The following GPR155 variants were observed in gnomAD, a reference collection of about 807,000 sequenced individuals.
GPR155 encodes the protein lysosomal cholesterol signaling protein.
Under a neutral mutation model 93.1 loss-of-function variants are expected in GPR155, and 65 were observed. The observed-to-expected ratio is 0.70, with a 90% confidence interval of 0.57 to 0.86. GPR155 has a LOEUF of 0.86. Among genes scored for constraint, GPR155 ranks in the 40% least tolerant of loss-of-function variants. The probability of loss-of-function intolerance (pLI) is 0.00; values close to 1 mark genes in which losing one functional copy is unlikely to be tolerated. For missense variants in GPR155, 838 were observed against 1,034.8 expected, an observed-to-expected ratio of 0.81 and a Z score of 2.61; for synonymous variants, 319 against 360.1, an observed-to-expected ratio of 0.89 and a Z score of 1.29.
At chr2:174,457,747 AC>A (rs1323626508) in intron 10 of GPR155, among the ~76,000 whole-genome samples, 1 of 151,930 alleles carries the variant, frequency 6.6e-6, no homozygotes. Flanking sequence ...GAGCCACCGC[AC>A]CAGGCCTTGA....
intron 7 of GPR155, among the ~76,000 whole-genome samples, chr2:174,463,121 T>C (rs1351670396): frequency 1.5e-5 from 1 of 68,274 alleles, no homozygotes; most frequent in Admixed American, 2.7e-4. Context: ...CTTTTTTTTT[T>C]CTTTCTTTTT....
At chr2:174,461,341 G>C (rs1395235660) in intron 9 of GPR155, 61 bp downstream of exon 9, 2 of 948,112 alleles carry the variant, frequency 2.1e-6, no homozygotes, top group African/African-American at 3.3e-5. Flanking sequence ...GTCTAGCAAG[G>C]CACATAACGA....
chr2:174,438,450 CAA>C lies in GPR155; in HGVS notation c.2312+1446_2312+1447del, dbSNP rs1686855813. ...AAGAGCTGGCAATCACACTGGGCCT[CAA>C]AGAGCTAACCCGGAGTTCTCTTTTT... is the stretch of plus-strand genomic sequence containing the variant. On this transcript the variant is annotated intron_variant, in intron 15 of 15. Coordinates refer to ENST00000392552, the MANE Select transcript of GPR155 (RefSeq NM_152529.7). Among the ~76,000 whole-genome samples, 3 of 152,312 alleles carry C rather than the reference CAA, an allele frequency of 2.0e-5. No individual in the cohort carries two copies. The South Asian group carries it at 6.2e-4, about 32-fold the overall frequency.
chr2:174,481,146 C>T (rs185279182), intron 2 of GPR155, among the ~76,000 whole-genome samples: 10 of 152,254 alleles, frequency 6.6e-5, no homozygotes, highest in African/African-American at 2.2e-4. Flanking sequence ...TTCACAAACA[C>T]TTAATAATAA....
At chr2:174,457,689 T>C (rs544892809) in intron 10 of GPR155, among the ~76,000 whole-genome samples, 49 of 152,290 alleles carry the variant, frequency 3.2e-4, no homozygotes, top group East Asian at 5.8e-4. Flanking sequence ...ACTCCTGACC[T>C]TGTGATCCGC....
At chr2:174,476,167 C>T (rs1559118754) in intron 2 of GPR155, among the ~76,000 whole-genome samples, 1 of 152,216 alleles carries the variant, frequency 6.6e-6, no homozygotes, top group Non-Finnish European at 1.5e-5. Context: ...TAGATTACTT[C>T]ATGTGTTTAC....
At chr2:174,470,365 A>T (rs1328684529) in intron 4 of GPR155, 25 bp downstream of exon 4, 1 of 1,572,280 alleles carries the variant, frequency 6.4e-7, no homozygotes, top group South Asian at 1.2e-5. Flanking sequence ...CACACCATCA[A>T]ACTTAGAAAG....
At chr2:174,466,010 C>T in intron 6 of GPR155, 108 bp from the exon 7 acceptor site, 4 of 599,250 alleles carry the variant, frequency 6.7e-6, no homozygotes, top group Non-Finnish European at 1.2e-5. Flanking sequence ...CTTTCATTCA[C>T]AGCAAATATA....
intron 14 of GPR155, among the ~76,000 whole-genome samples, chr2:174,441,116 A>AG (rs753642940): frequency 7.2e-5 from 11 of 151,856 alleles, no homozygotes; most frequent in Middle Eastern, 3.4e-3. Context: ...TAGTTCCTCC[A>AG]ATTTTTTTTT....
chr2:174,440,347 C>A (rs927733298), intron 14 of GPR155, among the ~76,000 whole-genome samples: 1 of 152,182 alleles, frequency 6.6e-6, no homozygotes, highest in African/African-American at 2.4e-5. Flanking sequence ...GTTCCTTACT[C>A]TACATTCTAC....
chr2:174,485,113 GCGT>G (rs1688436730), intron 1 of GPR155, among the ~76,000 whole-genome samples: 1 of 152,174 alleles, frequency 6.6e-6, no homozygotes, highest in Admixed American at 6.5e-5. Flanking sequence ...GGGATGGGAT[GCGT>G]CATAAATTTA....
At position 174,481,984 on chromosome 2, in the gene GPR155, A is replaced by G. The variant is rs770233046; in HGVS notation, c.-28T>C. The G allele has an allele frequency of 1.2e-5, 17 of 1,463,566 alleles. No homozygotes were observed. Among genetic ancestry groups the G allele is most frequent in the Non-Finnish European group, 1.6e-5 (17 of 1,059,474 alleles). 90.7% of individuals were successfully genotyped at this position (1,463,566 alleles called of 1,614,324 possible). On this transcript the variant is annotated 5_prime_UTR_variant, in exon 2 of 16. Coordinates refer to ENST00000392552, the MANE Select transcript of GPR155 (RefSeq NM_152529.7). ...TCTCTCACCCTCCAACTCCAACCAG[A>G]TCTCTGGAAAGAAAGGAAGAAAGAT...
intron 2 of GPR155, among the ~76,000 whole-genome samples, chr2:174,476,390 G>A (rs986027598): frequency 6.6e-6 from 1 of 152,190 alleles, no homozygotes; most frequent in Admixed American, 6.5e-5. Context: ...CAGATCATGA[G>A]GTCAGGAGTT....
intron 2 of GPR155, among the ~76,000 whole-genome samples, chr2:174,475,920 C>T (rs1186135235): frequency 6.6e-6 from 1 of 152,194 alleles, no homozygotes; most frequent in Non-Finnish European, 1.5e-5. Flanking sequence ...CACAGCTATA[C>T]AGTTCTGTGA....
intron 14 of GPR155, among the ~76,000 whole-genome samples, chr2:174,440,745 T>C (rs1000723238): frequency 9.2e-5 from 14 of 152,164 alleles, no homozygotes; most frequent in Admixed American, 4.6e-4. Context: ...ACACAAGAAG[T>C]AGAAAGATTT....
At chr2:174,448,248 C>T (rs1407123990) in intron 11 of GPR155, among the ~76,000 whole-genome samples, 2 of 151,992 alleles carry the variant, frequency 1.3e-5, no homozygotes, top group Admixed American at 6.6e-5. Context: ...TGGTGGCGGC[C>T]GCCTGTAATC....
chr2:174,445,274 C>T (rs890832163), intron 12 of GPR155, 98 bp from the exon 13 acceptor site: 45 of 649,196 alleles, frequency 6.9e-5, no homozygotes, highest in Non-Finnish European at 1.0e-4. Context: ...TTAATAATTA[C>T]AGGGAAAAAG....
intron 11 of GPR155, among the ~76,000 whole-genome samples, chr2:174,449,616 G>A (rs951283924): frequency 7.9e-5 from 12 of 152,158 alleles, no homozygotes; most frequent in Non-Finnish European, 1.2e-4. Context: ...AGGACAAGGC[G>A]GGCAGATCGC....
At chr2:174,450,188 T>C (rs910745485) in intron 11 of GPR155, among the ~76,000 whole-genome samples, 11 of 150,726 alleles carry the variant, frequency 7.3e-5, no homozygotes, top group Non-Finnish European at 1.6e-4. Context: ...CGGATGCATC[T>C]GGAGGCCATA....
Sources: gnomAD v4.1 joint callset for allele counts (sites outside exome capture counted in the v4.1 genomes callset) on GRCh38, gnomAD v4.1.1 for gene constraint, MANE v1.5 for transcripts, NCBI Gene and HGNC (gene_info 2026-07-23, HGNC 2026-07-21) for gene names.